Variants in IQGAP2 observed in about 807,000 individuals in gnomAD.
The protein encoded by IQGAP2 is IQ motif containing GTPase activating protein 2, also known as ras GTPase-activating-like protein IQGAP2.
In IQGAP2, 173 loss-of-function variants were observed where a neutral mutation model predicts 201.3. That is an observed-to-expected ratio of 0.86 (90% CI 0.76 to 0.98). The LOEUF (loss-of-function observed/expected upper bound fraction) is 0.98, where lower values mean the gene tolerates loss of function less well. Among genes scored for constraint, IQGAP2 ranks in the 50% least tolerant of loss-of-function variants. The pLI, the probability that IQGAP2 is intolerant of heterozygous loss-of-function variation, is 0.00. For synonymous variants in IQGAP2, 675 were observed against 673.9 expected (o/e 1.00, Z -0.03); for missense variants, 1,687 against 1,864.8 (o/e 0.90, Z 1.76).
intron 2 of IQGAP2, among the ~76,000 whole-genome samples, chr5:76,465,725 G>T (rs577484204): frequency 6.6e-6 from 1 of 152,104 alleles, no homozygotes. Flanking sequence ...TGTAAAAATG[G>T]CATTTCTTGA....
chr5:76,501,635 T>A (rs1310743167), intron 2 of IQGAP2, among the ~76,000 whole-genome samples: 5 of 76,566 alleles, frequency 6.5e-5, no homozygotes, highest in Non-Finnish European at 1.3e-4. Flanking sequence ...CATTTTCTTT[T>A]TCCTTTTCTT....
intron 2 of IQGAP2, among the ~76,000 whole-genome samples, chr5:76,483,920 T>C (rs1355146131): frequency 6.6e-6 from 1 of 152,134 alleles, no homozygotes. Flanking sequence ...GTCAAGGGAA[T>C]AATAGCTTTT....
At chr5:76,468,381 G>C (rs748266315) in intron 2 of IQGAP2, among the ~76,000 whole-genome samples, 1 of 152,096 alleles carries the variant, frequency 6.6e-6, no homozygotes, top group Non-Finnish European at 1.5e-5. Flanking sequence ...CTCGCCATTT[G>C]GTTGAACTTT....
At chr5:76,503,003 C>T (rs1423446171) in intron 2 of IQGAP2, among the ~76,000 whole-genome samples, 1 of 151,994 alleles carries the variant, frequency 6.6e-6, no homozygotes, top group Non-Finnish European at 1.5e-5. Flanking sequence ...GCTTCAGCCT[C>T]CCAAAGTGCT....
Position 76,674,610 on chromosome 5 carries a change from A to G in IQGAP2, c.3428A>G (p.Lys1143Arg), listed in dbSNP as rs747677672. Residue 1143 changes from lysine to arginine, a missense_variant, in exon 27 of 36, where the codon AAG becomes AGG. Coordinates refer to ENST00000274364, the MANE Select transcript of IQGAP2 (RefSeq NM_006633.5). Reference sequence around the variant, plus strand: ...AGGAGAAACTTAGGATCAGTGGCCAAGGTTCTTCAGCACGCAGCCTCCAAC... The same window carrying G: ...AGGAGAAACTTAGGATCAGTGGCCAGGGTTCTTCAGCACGCAGCCTCCAAC... ...DQRRNLGSVA[K>R]VLQHAASNKL... 3.7e-6 allele frequency: 6 copies of G among 1,614,054 alleles called. No individual in the cohort carries two copies. In the African/African-American group the frequency reaches 6.7e-5, roughly 18 times the overall value.
At chr5:76,672,765 CA>C (rs1310118237) in intron 24 of IQGAP2, among the ~76,000 whole-genome samples, 1 of 152,120 alleles carries the variant, frequency 6.6e-6, no homozygotes, top group East Asian at 1.9e-4. Flanking sequence ...GGCCCACAGA[CA>C]TACATGCACA....
chr5:76,524,075 G>A (rs1221197955), intron 2 of IQGAP2, among the ~76,000 whole-genome samples: 2 of 152,136 alleles, frequency 1.3e-5, no homozygotes, highest in African/African-American at 4.8e-5. Context: ...TGAGATGTGT[G>A]CAAGCCTTGT....
chr5:76,641,504 C>G (rs1003237778), intron 17 of IQGAP2, among the ~76,000 whole-genome samples: 3 of 152,194 alleles, frequency 2.0e-5, no homozygotes, highest in Non-Finnish European at 2.9e-5. Flanking sequence ...AACAGGAGAA[C>G]TAATGAAATA....
In IQGAP2 at chr5:76,488,329, C is replaced by T. The variant is rs147654376; in HGVS notation, c.146+26660C>T. Among the ~76,000 whole-genome samples, 25 of 152,290 alleles carry T rather than the reference C, an allele frequency of 1.6e-4. No homozygotes were observed. The East Asian group carries it at 4.8e-3, about 29-fold the overall frequency. ...TATCTGTTAATCAAGTTCTATTGAT[C>T]AAGCTAAGGTCAGATCCTTCTCTTA... On this transcript the variant is annotated intron_variant, in intron 2 of 35. Transcript: ENST00000274364.
chr5:76,661,278 A>G (rs1398737398), intron 21 of IQGAP2, among the ~76,000 whole-genome samples: 1 of 152,188 alleles, frequency 6.6e-6, no homozygotes, highest in Non-Finnish European at 1.5e-5. Flanking sequence ...TAGGTCAGTG[A>G]AGTGGCTAAC....
intron 10 of IQGAP2, among the ~76,000 whole-genome samples, chr5:76,599,691 G>A (rs1037482906): frequency 3.3e-5 from 5 of 151,954 alleles, no homozygotes; most frequent in Admixed American, 6.6e-5. Flanking sequence ...AGTTTGCTGC[G>A]AGACTTCTGT....
chr5:76,627,338 C>G, intron 13 of IQGAP2, 72 bp from the exon 14 acceptor site: 1 of 1,015,552 alleles, frequency 9.8e-7, no homozygotes, highest in South Asian at 1.3e-5. Context: ...AATGGCTCCT[C>G]AAAAGCAGTT....
At chr5:76,646,917 C>T (rs463016) in intron 17 of IQGAP2, among the ~76,000 whole-genome samples, 1 of 151,856 alleles carries the variant, frequency 6.6e-6, no homozygotes, top group Admixed American at 6.6e-5. Context: ...ATGTAGAAAA[C>T]TTATCAATTT....
chr5:76,538,046 A>G (rs780321242), intron 2 of IQGAP2, among the ~76,000 whole-genome samples: 1 of 152,220 alleles, frequency 6.6e-6, no homozygotes, highest in South Asian at 2.1e-4. Context: ...TGGGTAATTT[A>G]TAAAGCAAGA....
chr5:76,638,574 C>T (rs1443173092), intron 16 of IQGAP2, among the ~76,000 whole-genome samples: 1 of 151,738 alleles, frequency 6.6e-6, no homozygotes, highest in Non-Finnish European at 1.5e-5. Flanking sequence ...GAAGTATTTA[C>T]AAAAAAAGAT....
intron 1 of IQGAP2, among the ~76,000 whole-genome samples, chr5:76,419,681 T>C (rs1751621530): frequency 6.6e-6 from 1 of 151,676 alleles, no homozygotes; most frequent in Non-Finnish European, 1.5e-5. Context: ...TTCTTTTTTT[T>C]TTTTTGTGTT....
rs1423511711 is a variant in IQGAP2 at position 76,551,792 on chromosome 5, G to A, written c.147-10604G>A. ...TCAGGCAGGGAGGTTGCAGTGAGCC[G>A]AGATGGCGGCAGTACAGTCCAGCCT... On this transcript the variant is annotated intron_variant, in intron 2 of 35. Coordinates refer to ENST00000274364, the MANE Select transcript of IQGAP2 (RefSeq NM_006633.5). 2.0e-5 allele frequency among the ~76,000 whole-genome samples: 3 copies of A among 151,700 alleles called. No homozygotes were observed. The South Asian group carries it at 6.3e-4, about 32-fold the overall frequency.
intron 3 of IQGAP2, among the ~76,000 whole-genome samples, chr5:76,564,704 A>G (rs1580468402): frequency 6.6e-6 from 1 of 152,232 alleles, no homozygotes; most frequent in Non-Finnish European, 1.5e-5. Context: ...ATTTCTGGTT[A>G]TGGAATAAAA....
At chr5:76,413,640 C>T (rs1751258628) in intron 1 of IQGAP2, among the ~76,000 whole-genome samples, 1 of 152,158 alleles carries the variant, frequency 6.6e-6, no homozygotes, top group Non-Finnish European at 1.5e-5. Context: ...ATTTGGACTT[C>T]TGTGTTGTAT....
Sources: allele counts gnomAD v4.1 joint callset (sites outside exome capture counted in the v4.1 genomes callset), GRCh38; gene constraint gnomAD v4.1.1; transcripts MANE v1.5; gene names NCBI Gene and HGNC (gene_info 2026-07-23, HGNC 2026-07-21).